Variants in IPO11 observed in about 807,000 individuals in gnomAD.
IPO11 encodes importin-11.
Under a neutral mutation model 143.2 loss-of-function variants are expected in IPO11, and 66 were observed. The ratio of observed to expected loss-of-function variants is 0.46; its 90% CI spans 0.38 to 0.57. The LOEUF (loss-of-function observed/expected upper bound fraction) is 0.57, where lower values mean the gene tolerates loss of function less well. IPO11 is among the 20% of genes least tolerant of loss of function. IPO11 has a pLI of 0.00. For missense variants in IPO11, 1,026 were observed against 1,141.0 expected (o/e 0.90, Z 1.45); for synonymous variants, 385 against 377.8 (o/e 1.02, Z -0.22).
rs115288756 is a variant in IPO11 at position 62,474,578 on chromosome 5, G to A, written c.757+114G>A. 1,521 of 755,608 alleles carry A rather than the reference G, an allele frequency of 2.0e-3. 17 individuals are homozygous for A. The African/African-American group carries it at 0.025, about 12-fold the overall frequency. The allele number at this position is 755,608 out of a possible 1,614,324, so 46.8% of individuals were successfully genotyped here. On this transcript the variant is annotated intron_variant, in intron 8 of 29. Transcript: ENST00000325324. ...ATTAATAGATGCTTATTCATTAATA[G>A]CTTCTGTTGCACACTTATAAATCTA...
chr5:62,513,420 C>G lies in IPO11; in HGVS notation c.1783-1968C>G, dbSNP rs1325509219. On this transcript the variant is annotated intron_variant, in intron 19 of 29. Coordinates refer to ENST00000325324, the MANE Select transcript of IPO11 (RefSeq NM_016338.5). ...TGGCCGGGAGGGGGCGCTGACCCCC[C>G]CCCCACCTCCCTCCCGGACGGAGCG... Among the ~76,000 whole-genome samples, 5 of 142,378 alleles carry G rather than the reference C, an allele frequency of 3.5e-5. No individual in the cohort carries two copies. The East Asian group carries it at 1.1e-3, about 31-fold the overall frequency. The allele number at this position is 142,378 out of a possible 152,430, so 93.4% of individuals were successfully genotyped here.
Position 62,502,277 on chromosome 5 carries a change from G to A in IPO11, c.1591-2390G>A, listed in dbSNP as rs151237532. Among the ~76,000 whole-genome samples the A allele has an allele frequency of 2.4e-3, 362 of 152,270 alleles. 6 individuals carry two copies. The highest frequency in any genetic ancestry group is 0.021 in the Admixed American group (320 of 15,294). ...CTGGGGTAGGGTAGACAGACTCACA[G>A]TAGAAATGTGTTAGACTTTTCTACC... is the stretch of plus-strand genomic sequence containing the variant. On this transcript the variant is annotated intron_variant, in intron 16 of 29. Coordinates refer to ENST00000325324, the MANE Select transcript of IPO11 (RefSeq NM_016338.5).
intron 22 of IPO11, 103 bp downstream of exon 22, chr5:62,530,888 C>T (rs998294109): frequency 7.1e-6 from 6 of 842,342 alleles, no homozygotes; most frequent in African/African-American, 5.0e-5. Flanking sequence ...GTAAGTTCAA[C>T]TTCTAGTTTA....
intron 1 of IPO11, among the ~76,000 whole-genome samples, chr5:62,413,614 A>G (rs569716741): frequency 2.0e-5 from 3 of 152,352 alleles, no homozygotes; most frequent in Non-Finnish European, 2.9e-5. Flanking sequence ...ACTAAATAGC[A>G]AGGACTGGTA....
At chr5:62,608,871 C>T (rs1018560518) in intron 29 of IPO11, among the ~76,000 whole-genome samples, 3 of 152,164 alleles carry the variant, frequency 2.0e-5, no homozygotes, top group South Asian at 2.1e-4. Context: ...TAGTATCATA[C>T]GTAAGAGTTT....
At chr5:62,516,957 G>T (rs1417010773) in intron 20 of IPO11, among the ~76,000 whole-genome samples, 4 of 151,050 alleles carry the variant, frequency 2.6e-5, no homozygotes, top group African/African-American at 9.7e-5. Context: ...CCAGCACTTT[G>T]GGAGGCCGAG....
At chr5:62,498,511 C>G (rs1462638799) in intron 16 of IPO11, among the ~76,000 whole-genome samples, 1 of 152,192 alleles carries the variant, frequency 6.6e-6, no homozygotes, top group Non-Finnish European at 1.5e-5. Context: ...TAACCAGAAT[C>G]TTTGTTTATA....
intron 22 of IPO11, among the ~76,000 whole-genome samples, chr5:62,533,491 C>T (rs746694009): frequency 2.0e-5 from 3 of 151,954 alleles, no homozygotes; most frequent in Non-Finnish European, 2.9e-5. Context: ...GGATTACAGG[C>T]GTGAGCCACC....
At chr5:62,470,984 T>C (rs27447) in intron 7 of IPO11, among the ~76,000 whole-genome samples, 103,869 of 151,376 alleles carry the variant, frequency 0.69, 35,931 homozygotes, top group African/African-American at 0.75. Context: ...TGCACCACCA[T>C]GCCCAGCTAA....
chr5:62,516,924 C>A (rs1266179530), intron 20 of IPO11, among the ~76,000 whole-genome samples: 1 of 151,226 alleles, frequency 6.6e-6, no homozygotes, highest in Admixed American at 6.6e-5. Context: ...TGAGGCTGGG[C>A]GTGGTGGCTC....
chr5:62,435,212 G>GTATATATGTATA (rs1744173274), intron 1 of IPO11, among the ~76,000 whole-genome samples: 1 of 79,680 alleles, frequency 1.3e-5, no homozygotes, highest in Non-Finnish European at 2.5e-5. Context: ...ATATATATGT[G>GTATATATGTATA]TATATATATA....
At chr5:62,508,051 C>A (rs1271576439) in intron 19 of IPO11, among the ~76,000 whole-genome samples, 1 of 151,948 alleles carries the variant, frequency 6.6e-6, no homozygotes, top group Non-Finnish European at 1.5e-5. Context: ...ATCATTGTTG[C>A]ATATATCCCT....
chr5:62,598,803 C>T (rs528123914), intron 28 of IPO11, among the ~76,000 whole-genome samples: 1 of 151,780 alleles, frequency 6.6e-6, no homozygotes, highest in South Asian at 2.1e-4. Flanking sequence ...CCACAGACTC[C>T]CAAAGTGCTG....
chr5:62,539,660 A>G (rs547916201), intron 24 of IPO11, among the ~76,000 whole-genome samples: 3 of 152,196 alleles, frequency 2.0e-5, no homozygotes, highest in Non-Finnish European at 4.4e-5. Context: ...GGACTAGTCT[A>G]TTAATCCACA....
intron 12 of IPO11, among the ~76,000 whole-genome samples, chr5:62,485,963 T>G (rs956072863): frequency 3.3e-5 from 5 of 150,444 alleles, no homozygotes; most frequent in Non-Finnish European, 7.4e-5. Context: ...TTAATCTGAG[T>G]TTTTTTTCTT....
rs1745981123 is a variant in IPO11 at position 62,476,950 on chromosome 5, CA to C, written c.828+198del. The stretch of plus-strand genomic sequence containing the variant: ...ATAATTAAATTTACATACCATGTGT[CA>C]TAGTGTAAGTCACCTTGGTACATGA... On this transcript the variant is annotated intron_variant, in intron 9 of 29. Transcript: ENST00000325324. Among the ~76,000 whole-genome samples the C allele has an allele frequency of 2.6e-5, 4 of 152,096 alleles. No homozygotes were observed. In the South Asian group the frequency reaches 8.3e-4, roughly 32 times the overall value.
At chr5:62,430,624 T>A (rs1274638988) in intron 1 of IPO11, among the ~76,000 whole-genome samples, 1 of 151,840 alleles carries the variant, frequency 6.6e-6, no homozygotes, top group East Asian at 1.9e-4. Context: ...GCCAGGCCCC[T>A]TAATCTCAGA....
intron 8 of IPO11, among the ~76,000 whole-genome samples, chr5:62,475,951 A>G (rs1745943487): frequency 6.6e-6 from 1 of 152,230 alleles, no homozygotes; most frequent in African/African-American, 2.4e-5. Context: ...TCCTGAGAAG[A>G]TATCTTAGTC....
chr5:62,460,471 G>A (rs896390891), intron 5 of IPO11, among the ~76,000 whole-genome samples: 1 of 152,162 alleles, frequency 6.6e-6, no homozygotes, highest in Non-Finnish European at 1.5e-5. Context: ...CAGTATTCGT[G>A]ATGAATTATT....
Sources: allele counts gnomAD v4.1 joint callset (sites outside exome capture counted in the v4.1 genomes callset), GRCh38; gene constraint gnomAD v4.1.1; transcripts MANE v1.5; gene names NCBI Gene and HGNC (gene_info 2026-07-23, HGNC 2026-07-21).